NLGN1: variants seen among roughly 807,000 people sequenced by gnomAD.
The protein encoded by NLGN1 is neuroligin-1.
A neutral mutation model predicts 65.5 loss-of-function variants in NLGN1; 12 were observed. The ratio of observed to expected loss-of-function variants is 0.18; its 90% CI spans 0.12 to 0.30. NLGN1 has a LOEUF of 0.30. Ranked by LOEUF, NLGN1 falls within the 10% of genes least tolerant of loss-of-function variation. The probability of loss-of-function intolerance (pLI) is 1.00; values close to 1 mark genes in which losing one functional copy is unlikely to be tolerated. For missense variants in NLGN1, 750 were observed against 1,007.1 expected (o/e 0.74, Z 3.46); for synonymous variants, 350 against 359.5 (o/e 0.97, Z 0.30).
At chr3:174,220,465 T>A (rs1357762607) in intron 4 of NLGN1, among the ~76,000 whole-genome samples, 3 of 152,190 alleles carry the variant, frequency 2.0e-5, no homozygotes, top group Non-Finnish European at 4.4e-5. Flanking sequence ...TACATCCTTA[T>A]GTGCAACATT....
intron 4 of NLGN1, among the ~76,000 whole-genome samples, chr3:174,060,077 G>A (rs1258969442): frequency 6.6e-6 from 1 of 152,112 alleles, no homozygotes; most frequent in Non-Finnish European, 1.5e-5. Context: ...CACCACCAAT[G>A]TGATCCTAAA....
At chr3:174,070,884 C>CGGGGG (rs1205786575) in intron 4 of NLGN1, among the ~76,000 whole-genome samples, 1 of 151,938 alleles carries the variant, frequency 6.6e-6, no homozygotes, top group African/African-American at 2.4e-5. Flanking sequence ...ATGAGACCCC[C>CGGGGG]ATCTCTATGA....
intron 2 of NLGN1, among the ~76,000 whole-genome samples, chr3:173,547,768 A>T (rs1205061971): frequency 6.6e-6 from 1 of 152,078 alleles, no homozygotes; most frequent in East Asian, 1.9e-4. Flanking sequence ...AGCAATCAGA[A>T]GTTGTTAGTA....
chr3:173,706,612 G>T (rs1238502038), intron 3 of NLGN1, among the ~76,000 whole-genome samples: 1 of 152,170 alleles, frequency 6.6e-6, no homozygotes, highest in Non-Finnish European at 1.5e-5. Context: ...TTTAAAATCT[G>T]CACCCTTTGG....
At position 173,421,048 on chromosome 3, in the gene NLGN1, A is replaced by G. The variant is rs142107002; in HGVS notation, c.-389-13962A>G. ...TATTCTGTCTACTGTGTTTCTTCTA[A>G]GTGTATTGTAAAATATTCATCAAGT... On this transcript the variant is annotated intron_variant, in intron 1 of 6. Transcript: ENST00000457714. Among the ~76,000 whole-genome samples the G allele has an allele frequency of 1.2e-3, 179 of 152,174 alleles. 5 individuals are homozygous for G. The East Asian group carries it at 0.033, about 28-fold the overall frequency.
intron 4 of NLGN1, among the ~76,000 whole-genome samples, chr3:173,884,597 C>CTGAT (rs1164588899): frequency 6.6e-6 from 1 of 152,068 alleles, no homozygotes; most frequent in Non-Finnish European, 1.5e-5. Context: ...TCCACACATA[C>CTGAT]TGATAGTATA....
intron 4 of NLGN1, among the ~76,000 whole-genome samples, chr3:173,969,240 A>ATATGCCACATGGCCAT (rs1441032961): frequency 1.3e-5 from 2 of 152,258 alleles, no homozygotes; most frequent in Middle Eastern, 3.4e-3. Context: ...TTAAGGCCAT[A>ATATGCCACATGGCCAT]AGGACAATAT....
At chr3:174,093,956 G>C (rs1744986216) in intron 4 of NLGN1, among the ~76,000 whole-genome samples, 1 of 151,854 alleles carries the variant, frequency 6.6e-6, no homozygotes, top group Non-Finnish European at 1.5e-5. Flanking sequence ...TCACAGTTTG[G>C]GAATTTAAGT....
chr3:174,134,124 G>T (rs1720762295), intron 4 of NLGN1, among the ~76,000 whole-genome samples: 1 of 152,094 alleles, frequency 6.6e-6, no homozygotes, highest in Admixed American at 6.6e-5. Flanking sequence ...CCCACAAAAC[G>T]AAAAGAAACA....
At chr3:174,237,181 A>G (rs1410122357) in intron 4 of NLGN1, among the ~76,000 whole-genome samples, 1 of 152,148 alleles carries the variant, frequency 6.6e-6, no homozygotes. Flanking sequence ...CAAATACTTT[A>G]TCCTCACTTT....
chr3:173,693,219 T>A (rs1765726330), intron 3 of NLGN1, among the ~76,000 whole-genome samples: 1 of 152,144 alleles, frequency 6.6e-6, no homozygotes, highest in Non-Finnish European at 1.5e-5. Flanking sequence ...TGTTTTGATG[T>A]GCACCTTCTA....
At chr3:173,544,245 C>G (rs901156312) in intron 2 of NLGN1, among the ~76,000 whole-genome samples, 2 of 136,636 alleles carry the variant, frequency 1.5e-5, no homozygotes, top group Admixed American at 1.6e-4. Flanking sequence ...TAGTAAAGTA[C>G]CAAGATTATA....
At chr3:173,397,551 C>CT (rs150967201), upstream of NLGN1, among the ~76,000 whole-genome samples, 5,705 of 152,036 alleles carry the variant, frequency 0.038, 210 homozygotes, top group African/African-American at 0.094. Context: ...CCTGCCCCCT[C>CT]TGTCCTTTCT....
At chr3:173,633,729 A>G (rs957026017) in intron 3 of NLGN1, among the ~76,000 whole-genome samples, 1 of 152,134 alleles carries the variant, frequency 6.6e-6, no homozygotes, top group Non-Finnish European at 1.5e-5. Context: ...GGTGAAGTCT[A>G]TTGGGTGAAG....
intron 4 of NLGN1, among the ~76,000 whole-genome samples, chr3:174,058,358 C>T (rs944841326): frequency 2.0e-5 from 3 of 152,068 alleles, no homozygotes; most frequent in Non-Finnish European, 4.4e-5. Flanking sequence ...GTACCTGATT[C>T]AGTTAAATTA....
chr3:173,587,460 G>A (rs1484509316), intron 2 of NLGN1, among the ~76,000 whole-genome samples: 4 of 152,188 alleles, frequency 2.6e-5, no homozygotes, highest in South Asian at 2.1e-4. Flanking sequence ...GCCAGTAAAC[G>A]AAGAGCAAGG....
intron 1 of NLGN1, among the ~76,000 whole-genome samples, chr3:173,402,816 C>T (rs1432057874): frequency 2.0e-5 from 3 of 152,186 alleles, no homozygotes; most frequent in African/African-American, 4.8e-5. Context: ...ACATTTCACT[C>T]TTAACTTACA....
At chr3:173,665,434 G>T (rs917692242) in intron 3 of NLGN1, among the ~76,000 whole-genome samples, 1 of 152,072 alleles carries the variant, frequency 6.6e-6, no homozygotes, top group Non-Finnish European at 1.5e-5. Flanking sequence ...CTCAGTCTCG[G>T]GTATGTCTTT....
chr3:174,147,057 C>T (rs934838459), intron 4 of NLGN1, among the ~76,000 whole-genome samples: 4 of 152,212 alleles, frequency 2.6e-5, no homozygotes, highest in Admixed American at 2.6e-4. Context: ...GATGGTTTAT[C>T]GGTATGTAGA....
Sources: gnomAD v4.1 joint callset for allele counts (sites outside exome capture counted in the v4.1 genomes callset) on GRCh38, gnomAD v4.1.1 for gene constraint, MANE v1.5 for transcripts, NCBI Gene and HGNC (gene_info 2026-07-23, HGNC 2026-07-21) for gene names.